ZMAT4: variants seen among roughly 807,000 people sequenced by gnomAD.
ZMAT4 encodes zinc finger matrin-type 4.
ZMAT4 carries 17 observed loss-of-function variants against 28.7 expected under a neutral mutation model. The ratio of observed to expected loss-of-function variants is 0.59; its 90% CI spans 0.41 to 0.89. The LOEUF is 0.89. Among genes scored for constraint, ZMAT4 ranks in the 40% least tolerant of loss-of-function variants. ZMAT4 has a pLI of 0.00. For synonymous variants in ZMAT4, 117 were observed against 109.2 expected (o/e 1.07, Z -0.44); for missense variants, 240 against 283.8 (o/e 0.85, Z 1.11).
intron 6 of ZMAT4, among the ~76,000 whole-genome samples, chr8:40,556,438 G>A (rs1394034859): frequency 6.6e-6 from 1 of 152,020 alleles, no homozygotes; most frequent in Non-Finnish European, 1.5e-5. Flanking sequence ...TGAAATCTGG[G>A]ATTGTTTTAT....
chr8:40,625,766 A>G (rs1464609077), intron 5 of ZMAT4, among the ~76,000 whole-genome samples: 3 of 152,128 alleles, frequency 2.0e-5, no homozygotes, highest in African/African-American at 7.2e-5. Flanking sequence ...TCAAGCATTT[A>G]AGGGAGAGGT....
At chr8:40,563,987 T>TCA (rs1474318401) in intron 6 of ZMAT4, among the ~76,000 whole-genome samples, 1 of 152,080 alleles carries the variant, frequency 6.6e-6, no homozygotes, top group African/African-American at 2.4e-5. Flanking sequence ...GGATGTCCTT[T>TCA]CACTTTCTCA....
chr8:40,860,730 A>T (rs1817457655), intron 1 of ZMAT4, among the ~76,000 whole-genome samples: 1 of 152,208 alleles, frequency 6.6e-6, no homozygotes. Context: ...ACAGATGTTC[A>T]TGAGCGACCC....
chr8:40,823,775 G>A (rs1429635542), intron 2 of ZMAT4, among the ~76,000 whole-genome samples: 3 of 152,056 alleles, frequency 2.0e-5, no homozygotes, highest in Non-Finnish European at 2.9e-5. Flanking sequence ...AATTTCAAAC[G>A]ATGGACTTTT....
chr8:40,557,745 C>T (rs1803594108), intron 6 of ZMAT4, among the ~76,000 whole-genome samples: 1 of 152,082 alleles, frequency 6.6e-6, no homozygotes, highest in Non-Finnish European at 1.5e-5. Context: ...TGTGCTGGTC[C>T]CTTCTAAACC....
In ZMAT4 at chr8:40,601,468, GGAAA is replaced by G. The variant is rs71224836; in HGVS notation, c.578-20211_578-20208del. 7.0e-4 allele frequency among the ~76,000 whole-genome samples: 14 copies of G among 19,996 alleles called. 1 individual carries two copies. The highest frequency in any genetic ancestry group is 2.5e-3 in the African/African-American group (14 of 5,628). The allele number at this position is 19,996 out of a possible 152,430, so 13.1% of individuals were successfully genotyped here. On this transcript the variant is annotated intron_variant, in intron 5 of 6. Transcript: ENST00000297737. ...AGGAAGGAAGGAAGGGAGGAAGAAA[GGAAA>G]GAAAGAAAGAAAGAAAGAAAGAGAG... is the stretch of plus-strand genomic sequence containing the variant.
At chr8:40,809,230 C>A (rs1344312414) in intron 2 of ZMAT4, among the ~76,000 whole-genome samples, 1 of 152,078 alleles carries the variant, frequency 6.6e-6, no homozygotes. Flanking sequence ...CATGTTTTCA[C>A]TTATAAGTGG....
intron 5 of ZMAT4, among the ~76,000 whole-genome samples, chr8:40,645,109 A>G (rs1807242080): frequency 6.6e-6 from 1 of 152,294 alleles, no homozygotes; most frequent in Non-Finnish European, 1.5e-5. Context: ...TGAATAAACT[A>G]TGGACTTTAG....
chr8:40,645,239 T>C (rs761311219), intron 5 of ZMAT4, among the ~76,000 whole-genome samples: 1 of 152,162 alleles, frequency 6.6e-6, no homozygotes, highest in Non-Finnish European at 1.5e-5. Context: ...TCAGTAAATC[T>C]AAAACTATTC....
rs186061423 is a variant in ZMAT4, at chr8:40,846,171, C to A, written c.-4-20491G>T. 6.6e-3 allele frequency among the ~76,000 whole-genome samples: 1,007 copies of A among 152,266 alleles called. 7 individuals carry two copies. The highest frequency in any genetic ancestry group is 0.014 in the Middle Eastern group (4 of 294). On this transcript the variant is annotated intron_variant, in intron 1 of 6. Transcript: ENST00000297737. ...ACACCTTCTTCCAAACGCACCACCC[C>A]CCTCCCTACCAAAATAAATAAATAA...
Position 40,565,113 on chromosome 8 carries a change from T to C in ZMAT4, c.674+16052A>G, listed in dbSNP as rs139734311. 7.5e-4 allele frequency among the ~76,000 whole-genome samples: 114 copies of C among 152,308 alleles called. 1 individual carries two copies. In the East Asian group the frequency reaches 0.02, roughly 27 times the overall value. On this transcript the variant is annotated intron_variant, in intron 6 of 6. Coordinates refer to ENST00000297737, the MANE Select transcript of ZMAT4 (RefSeq NM_024645.3). Reference sequence around the variant, plus strand: ...TTGGACAGATTGATGTCTCTAATCATCATTCTTTGATCACAAATGTCATTT... The same window carrying C: ...TTGGACAGATTGATGTCTCTAATCACCATTCTTTGATCACAAATGTCATTT...
At chr8:40,852,008 T>C (rs1303202670) in intron 1 of ZMAT4, among the ~76,000 whole-genome samples, 1 of 152,168 alleles carries the variant, frequency 6.6e-6, no homozygotes, top group Non-Finnish European at 1.5e-5. Flanking sequence ...GTGATTTTCA[T>C]GCCTCAGCCT....
chr8:40,650,836 T>C (rs922128476), intron 5 of ZMAT4, among the ~76,000 whole-genome samples: 2 of 151,690 alleles, frequency 1.3e-5, no homozygotes, highest in African/African-American at 4.9e-5. Flanking sequence ...CACATGATTA[T>C]CTCAATAGAT....
intron 1 of ZMAT4, among the ~76,000 whole-genome samples, chr8:40,849,584 C>T (rs7838763): frequency 0.06 from 9,164 of 152,180 alleles, 301 homozygotes; most frequent in Non-Finnish European, 0.066. Context: ...CTTGTTCCTC[C>T]GTCACCCACA....
intron 1 of ZMAT4, among the ~76,000 whole-genome samples, chr8:40,853,459 G>A (rs1817185947): frequency 6.6e-6 from 1 of 152,112 alleles, no homozygotes; most frequent in Non-Finnish European, 1.5e-5. Context: ...AGGAGGTTAT[G>A]GCAGGAGAAT....
At chr8:40,863,696 T>C (rs1176852862) in intron 1 of ZMAT4, among the ~76,000 whole-genome samples, 2 of 152,092 alleles carry the variant, frequency 1.3e-5, no homozygotes, top group Non-Finnish European at 2.9e-5. Flanking sequence ...GTTTTAAAAA[T>C]CCATATGAGG....
intron 4 of ZMAT4, among the ~76,000 whole-genome samples, chr8:40,683,673 T>C (rs963009655): frequency 6.6e-5 from 10 of 152,202 alleles, no homozygotes; most frequent in African/African-American, 2.4e-4. Context: ...CCAATTTGGT[T>C]TTAAAGTTAT....
At chr8:40,650,234 TA>T (rs1179312716) in intron 5 of ZMAT4, among the ~76,000 whole-genome samples, 3 of 151,902 alleles carry the variant, frequency 2.0e-5, no homozygotes, top group Non-Finnish European at 2.9e-5. Context: ...TAAAAAATGA[TA>T]AAGGGGATAT....
At chr8:40,807,560 C>T (rs909354137) in intron 2 of ZMAT4, among the ~76,000 whole-genome samples, 2 of 152,182 alleles carry the variant, frequency 1.3e-5, no homozygotes, top group Admixed American at 1.3e-4. Flanking sequence ...TCTTACAAGC[C>T]GGCATGGCTC....
Sources: gnomAD v4.1 joint callset for allele counts (sites outside exome capture counted in the v4.1 genomes callset) on GRCh38, gnomAD v4.1.1 for gene constraint, MANE v1.5 for transcripts, NCBI Gene and HGNC (gene_info 2026-07-23, HGNC 2026-07-21) for gene names.